The following CHD2 variants were observed in gnomAD, a reference collection of about 807,000 sequenced individuals.
The protein encoded by CHD2 is chromodomain helicase DNA binding protein 2, also known as ATP-dependent chromatin remodeler CHD2.
Under a neutral mutation model 243.9 loss-of-function variants are expected in CHD2, and 28 were observed. That is an observed-to-expected ratio of 0.11 (90% CI 0.09 to 0.16). The LOEUF (loss-of-function observed/expected upper bound fraction) is 0.16, where lower values mean the gene tolerates loss of function less well. Among genes scored for constraint, CHD2 ranks in the 10% least tolerant of loss-of-function variants. The pLI, the probability that CHD2 is intolerant of heterozygous loss-of-function variation, is 1.00. For synonymous variants in CHD2, 775 were observed against 779.0 expected, an observed-to-expected ratio of 0.99 and a Z score of 0.09; for missense variants, 1,386 against 2,209.8, an observed-to-expected ratio of 0.63 and a Z score of 7.47.
At position 92,993,552 on chromosome 15, in the gene CHD2, TGTGTGATATC is replaced by T. The variant is rs2054148498; in HGVS notation, c.3595+555_3595+564del. ...TACCAGAAAGTGATTTTGCCTGTCCTGTGTGATATCTTTAAAAGCAAGAGGTATAGGAATG... is the reference window on the plus strand; with the variant it reads ...TACCAGAAAGTGATTTTGCCTGTCCTTTTAAAAGCAAGAGGTATAGGAATG... On this transcript the variant is annotated intron_variant, in intron 28 of 38. Coordinates refer to ENST00000394196, the MANE Select transcript of CHD2 (RefSeq NM_001271.4). Among the ~76,000 whole-genome samples the T allele has an allele frequency of 2.4e-5, 3 of 126,976 alleles. No individual in the cohort carries two copies. The Admixed American group carries it at 2.5e-4, about 11-fold the overall frequency. The allele number at this position is 126,976 out of a possible 152,430, so 83.3% of individuals were successfully genotyped here.
intron 17 of CHD2, among the ~76,000 whole-genome samples, chr15:92,970,476 AC>A (rs1317175965): frequency 1.3e-5 from 2 of 152,116 alleles, no homozygotes; most frequent in Non-Finnish European, 2.9e-5. Context: ...GCTGGGATTA[AC>A]AGGTGTGAGC....
intron 5 of CHD2, among the ~76,000 whole-genome samples, chr15:92,936,914 A>G (rs1160919751): frequency 6.6e-6 from 1 of 152,102 alleles, no homozygotes; most frequent in African/African-American, 2.4e-5. Flanking sequence ...TACAGTGGCA[A>G]AATCACAGCT....
Position 92,945,879 on chromosome 15 carries a change from T to G in CHD2, c.1198+14T>G, listed in dbSNP as rs897600719. ...CAGATTTTCCAGGTAAGCAAGAAATTTTATTTATAAATGTTCTTCAACATT... is the reference window on the plus strand; with the variant it reads ...CAGATTTTCCAGGTAAGCAAGAAATGTTATTTATAAATGTTCTTCAACATT... On this transcript the variant is annotated intron_variant, in intron 11 of 38. Coordinates refer to ENST00000394196, the MANE Select transcript of CHD2 (RefSeq NM_001271.4). 2 of 1,569,838 alleles carry G rather than the reference T, an allele frequency of 1.3e-6. No individual in the cohort carries two copies. The highest frequency in any genetic ancestry group is 1.4e-5 in the African/African-American group (1 of 73,604).
intron 34 of CHD2, among the ~76,000 whole-genome samples, chr15:93,007,629 C>T (rs1241630159): frequency 6.6e-6 from 1 of 152,060 alleles, no homozygotes; most frequent in East Asian, 1.9e-4. Context: ...TTCATTGTGC[C>T]AGATACTCAG....
intron 16 of CHD2, among the ~76,000 whole-genome samples, chr15:92,962,224 T>G (rs938160831): frequency 6.6e-6 from 1 of 151,882 alleles, no homozygotes; most frequent in Non-Finnish European, 1.5e-5. Context: ...TTGCCGTCCT[T>G]TGCTTGCTTT....
intron 16 of CHD2, among the ~76,000 whole-genome samples, chr15:92,963,542 T>C (rs1204758928): frequency 1.3e-5 from 2 of 152,236 alleles, no homozygotes; most frequent in Non-Finnish European, 2.9e-5. Context: ...AAAAAAAATA[T>C]ATACTATCTT....
At position 93,025,197 on chromosome 15, in the gene CHD2, G is replaced by A. The variant is rs74357242; in HGVS notation, c.*492G>A. The stretch of plus-strand genomic sequence containing the variant: ...ATGGATGCTGCTGATGGGGAGTGGC[G>A]AGTTGGGGCAAGCGGGTGGGGACAA... On this transcript the variant is annotated 3_prime_UTR_variant, in exon 39 of 39. Coordinates refer to ENST00000394196, the MANE Select transcript of CHD2 (RefSeq NM_001271.4). The A allele has an allele frequency of 7.8e-3, 1,217 of 155,808 alleles. 55 individuals are homozygous for A. Among genetic ancestry groups the A allele is most frequent in the Admixed American group, 0.069 (1,055 of 15,344 alleles). The allele number at this position is 155,808 out of a possible 1,614,324, so 9.7% of individuals were successfully genotyped here. A position where few individuals can be genotyped will look rare whatever the true frequency, so the allele number is the denominator to read the frequency against.
At chr15:92,925,265 A>G (rs2053037529) in intron 3 of CHD2, among the ~76,000 whole-genome samples, 1 of 151,816 alleles carries the variant, frequency 6.6e-6, no homozygotes, top group Non-Finnish European at 1.5e-5. Flanking sequence ...TTCTATGTAC[A>G]CCTCCTTTTC....
chr15:92,988,708 C>T (rs2054076951), intron 26 of CHD2, among the ~76,000 whole-genome samples: 1 of 151,904 alleles, frequency 6.6e-6, no homozygotes, highest in Admixed American at 6.6e-5. Flanking sequence ...TCAGATTTGG[C>T]AGTTCTCTCT....
intron 25 of CHD2, among the ~76,000 whole-genome samples, chr15:92,985,050 G>A (rs1417296586): frequency 6.6e-6 from 1 of 152,168 alleles, no homozygotes; most frequent in Non-Finnish European, 1.5e-5. Context: ...CAAGGTCACA[G>A]TAAATCAGTA....
Position 92,958,848 on chromosome 15 carries a change from A to G in CHD2, c.2000+2199A>G, listed in dbSNP as rs2053648691. Among the ~76,000 whole-genome samples the G allele has an allele frequency of 2.0e-5, 3 of 152,204 alleles. No individual in the cohort carries two copies. In the South Asian group the frequency reaches 6.2e-4, roughly 31 times the overall value. On this transcript the variant is annotated intron_variant, in intron 16 of 38. Coordinates refer to ENST00000394196, the MANE Select transcript of CHD2 (RefSeq NM_001271.4). The stretch of plus-strand genomic sequence containing the variant: ...GCTTTGCGTTAGGTGATTTTGCTCA[A>G]TATCCTCATGATAAGCGTTCTGAGC...
chr15:92,934,253 C>G (rs2053226002), intron 5 of CHD2, among the ~76,000 whole-genome samples: 1 of 152,222 alleles, frequency 6.6e-6, no homozygotes, highest in African/African-American at 2.4e-5. Context: ...GTCTAGCCAA[C>G]CACCTTTTCC....
intron 26 of CHD2, among the ~76,000 whole-genome samples, chr15:92,987,857 T>A (rs8034960): frequency 0.78 from 117,801 of 150,938 alleles, 46,943 homozygotes; most frequent in East Asian, 1. Context: ...AAAAAAAACT[T>A]TTTTTTTCAC....
At chr15:93,018,606 T>G (rs1567166209) in intron 37 of CHD2, among the ~76,000 whole-genome samples, 1 of 152,198 alleles carries the variant, frequency 6.6e-6, no homozygotes, top group Non-Finnish European at 1.5e-5. Context: ...TTTCTCACAT[T>G]TCTGGAGACC....
intron 2 of CHD2, among the ~76,000 whole-genome samples, chr15:92,911,910 C>G (rs1172276011): frequency 6.6e-6 from 1 of 152,110 alleles, no homozygotes; most frequent in South Asian, 2.1e-4. Flanking sequence ...GTGATTGATG[C>G]CAGTCACACA....
chr15:92,913,272 G>C (rs909515535), intron 2 of CHD2, among the ~76,000 whole-genome samples: 3 of 152,140 alleles, frequency 2.0e-5, no homozygotes, highest in Admixed American at 1.3e-4. Flanking sequence ...GTAGAATCTT[G>C]GGCAGGAGTG....
intron 2 of CHD2, among the ~76,000 whole-genome samples, chr15:92,923,853 C>T (rs1424865682): frequency 2.6e-5 from 4 of 152,180 alleles, no homozygotes; most frequent in East Asian, 1.9e-4. Context: ...CATGAGCCAC[C>T]GCGCCCGGCC....
At chr15:92,954,473 C>G (rs2053593530) in intron 14 of CHD2, 3 of 152,168 alleles carry the variant, frequency 2.0e-5, no homozygotes, top group Admixed American at 6.5e-5. Context: ...TATTTTCATA[C>G]AAATTCAAAT....
At chr15:92,962,728 T>C (rs992109149) in intron 16 of CHD2, among the ~76,000 whole-genome samples, 1 of 152,200 alleles carries the variant, frequency 6.6e-6, no homozygotes. Context: ...CTTTGAATTA[T>C]TGAGAATGAA....
Sources: allele counts gnomAD v4.1 joint callset (sites outside exome capture counted in the v4.1 genomes callset), GRCh38; gene constraint gnomAD v4.1.1; transcripts MANE v1.5; gene names NCBI Gene and HGNC (gene_info 2026-07-23, HGNC 2026-07-21).